The following C22orf42 variants were observed in gnomAD, a reference collection of about 807,000 sequenced individuals.
C22orf42 encodes chromosome 22 open reading frame 42.
In C22orf42, 24 loss-of-function variants were observed where a neutral mutation model predicts 31.4. That is an observed-to-expected ratio of 0.77 (90% CI 0.55 to 1.08). The LOEUF is 1.08. Ranked by LOEUF, C22orf42 falls within the 50% of genes least tolerant of loss-of-function variation. C22orf42 has a pLI of 0.00. For synonymous variants in C22orf42, 96 were observed against 112.7 expected (o/e 0.85, Z 0.94); for missense variants, 276 against 327.3 (o/e 0.84, Z 1.21).
At chr22:32,158,186 A>G (rs1331132889) in intron 1 of C22orf42, among the ~76,000 whole-genome samples, 1 of 152,170 alleles carries the variant, frequency 6.6e-6, no homozygotes, top group African/African-American at 2.4e-5. Flanking sequence ...AGCAACTCCT[A>G]GAGCCCTGGT....
chr22:32,150,884 G>C, intron 6 of C22orf42, 108 bp downstream of exon 6: 1 of 1,152,512 alleles, frequency 8.7e-7, no homozygotes, highest in East Asian at 2.5e-5. Context: ...AACAATGGTT[G>C]CACAACCCTG....
chr22:32,158,931 C>T (rs1921421731), intron 1 of C22orf42, 53 bp downstream of exon 1: 12 of 1,589,676 alleles, frequency 7.5e-6, no homozygotes, highest in South Asian at 4.5e-5. Context: ...GGGGTGGGGG[C>T]GGTGGTGGCC....
In C22orf42 at chr22:32,150,336, G is replaced by C. The variant is rs769741037; in HGVS notation, c.637C>G (p.Leu213Val). 1.9e-6 allele frequency: 3 copies of C among 1,613,626 alleles called. No homozygotes were observed. Among genetic ancestry groups the C allele is most frequent in the Admixed American group, 3.3e-5 (2 of 59,990 alleles). The change falls in exon 7 of 9, where the codon CTC becomes GTC. Residue 213 changes from leucine (L) to valine (V), a missense_variant. Leu to Val is a conservative substitution (Grantham distance 32, BLOSUM62 1). Coordinates refer to ENST00000382097, the MANE Select transcript of C22orf42 (RefSeq NM_001010859.3). ...CATCTTACCATCTCCGGTGTCATGA[G>C]GTCTTCAAGAGAGACAGATAGGCTT... The part of the protein sequence containing the change: ...SESLSVSLED[L>V]MTPEMAKERY...
Position 32,151,558 on chromosome 22 carries a change from G to A in C22orf42, c.401-7C>T, listed in dbSNP as rs377084178. 1.9e-5 allele frequency: 30 copies of A among 1,613,502 alleles called. No individual in the cohort carries two copies. Among genetic ancestry groups the A allele is most frequent in the Admixed American group, 3.3e-5 (2 of 60,000 alleles). On this transcript the variant is annotated splice_region_variant and splice_polypyrimidine_tract_variant and intron_variant, in intron 4 of 8. Transcript: ENST00000382097. Reference sequence around the variant, plus strand: ...TGCACATCTTCAGTGGGACCTAGGAGAACACAGAGTGACAGTCAGTGCATT... The same window carrying A: ...TGCACATCTTCAGTGGGACCTAGGAAAACACAGAGTGACAGTCAGTGCATT...
chr22:32,149,828 C>T, intron 7 of C22orf42, 48 bp from the exon 8 acceptor site: 9 of 1,441,722 alleles, frequency 6.2e-6, no homozygotes, highest in East Asian at 2.5e-5. Flanking sequence ...TCATGCTGGG[C>T]CCTGTTGGCA....
Position 32,149,841 on chromosome 22 carries a change from G to C in C22orf42, c.655-61C>G, listed in dbSNP as rs367944982. The C allele has an allele frequency of 1.5e-4, 201 of 1,357,054 alleles. 1 individual carries two copies. The African/African-American group carries it at 4.1e-3, about 28-fold the overall frequency. The allele number at this position is 1,357,054 out of a possible 1,614,324, so 84.1% of individuals were successfully genotyped here. ...GATCATGCTGGGCCCTGTTGGCACAGGTCTATTATTCACTTGGTGACGTAG... is the reference window on the plus strand; with the variant it reads ...GATCATGCTGGGCCCTGTTGGCACACGTCTATTATTCACTTGGTGACGTAG... On this transcript the variant is annotated intron_variant, in intron 7 of 8. Transcript: ENST00000382097.
chr22:32,149,648 AAAATATAT>A, intron 8 of C22orf42, 35 bp from the exon 9 acceptor site: 1 of 1,338,606 alleles, frequency 7.5e-7, no homozygotes, highest in Non-Finnish European at 9.8e-7. Flanking sequence ...TCTCAAAAAA[AAAATATAT>A]ATATATATAT....
At position 32,158,032 on chromosome 22, in the gene C22orf42, G is replaced by A. The variant is rs12628509; in HGVS notation, c.232+952C>T. On this transcript the variant is annotated intron_variant, in intron 1 of 8. Transcript: ENST00000382097. Reference sequence around the variant, plus strand: ...TAGAAAACCCTGGTTACTAAAGTCAGTTCCATTAGCATCTCTGTTTTTCTG... The same window carrying A: ...TAGAAAACCCTGGTTACTAAAGTCAATTCCATTAGCATCTCTGTTTTTCTG... Among the ~76,000 whole-genome samples, 40 of 152,386 alleles carry A rather than the reference G, an allele frequency of 2.6e-4. 1 individual carries two copies. In the East Asian group the frequency reaches 6.5e-3, roughly 25 times the overall value.
At position 32,152,105 on chromosome 22, in the gene C22orf42, A is replaced by T; in HGVS notation, c.373-11T>A. The T allele has an allele frequency of 1.2e-6, 2 of 1,605,352 alleles. No individual in the cohort carries two copies. The highest frequency in any genetic ancestry group is 1.7e-6 in the Non-Finnish European group (2 of 1,177,874). On this transcript the variant is annotated splice_polypyrimidine_tract_variant and intron_variant, in intron 3 of 8. Transcript: ENST00000382097. ...GGCCTCAGGTATTTCCTGCAATAAG[A>T]GAAAAGAAAAAGAAACACCATGAGG...
intron 4 of C22orf42, 35 bp from the exon 5 acceptor site, chr22:32,151,586 T>G: frequency 6.2e-7 from 1 of 1,606,302 alleles, no homozygotes; most frequent in Non-Finnish European, 8.5e-7. Context: ...AGTGCATTGG[T>G]GCTGCTGAGG....
At position 32,150,367 on chromosome 22, in the gene C22orf42, G is replaced by A. The variant is rs751094400; in HGVS notation, c.606C>T (p.Leu202=). The A allele has an allele frequency of 2.5e-6, 4 of 1,614,002 alleles. No homozygotes were observed. The highest frequency in any genetic ancestry group is 4.5e-5 in the East Asian group (2 of 44,896). Residue 202 remains leucine (L), a synonymous_variant, in exon 7 of 9, where the codon CTC becomes CTT. Coordinates refer to ENST00000382097, the MANE Select transcript of C22orf42 (RefSeq NM_001010859.3). Reference sequence around the variant, plus strand: ...CAAGAGAGACAGATAGGCTTTCACTGAGACCTGATGTCATGAAGTCTTCAA... The same window carrying A: ...CAAGAGAGACAGATAGGCTTTCACTAAGACCTGATGTCATGAAGTCTTCAA... ...VSLEDFMTSG[L]SESLSVSLED...
Position 32,151,563 on chromosome 22 carries a change from C to T in C22orf42, c.401-12G>A, listed in dbSNP as rs1176872585. Reference sequence around the variant, plus strand: ...ATCTTCAGTGGGACCTAGGAGAACACAGAGTGACAGTCAGTGCATTGGTGC... The same window carrying T: ...ATCTTCAGTGGGACCTAGGAGAACATAGAGTGACAGTCAGTGCATTGGTGC... On this transcript the variant is annotated splice_polypyrimidine_tract_variant and intron_variant, in intron 4 of 8. Coordinates refer to ENST00000382097, the MANE Select transcript of C22orf42 (RefSeq NM_001010859.3). 2.5e-6 allele frequency: 4 copies of T among 1,613,328 alleles called. No homozygotes were observed. In the African/African-American group the frequency reaches 4.0e-5, roughly 16 times the overall value.
chr22:32,151,860 C>T (rs1920990261), intron 4 of C22orf42, among the ~76,000 whole-genome samples: 2 of 151,660 alleles, frequency 1.3e-5, no homozygotes, highest in Admixed American at 1.3e-4. Context: ...TGCCTAGATC[C>T]AGGGGTGTGG....
chr22:32,150,060 C>T (rs1033747470), intron 7 of C22orf42: 18 of 545,438 alleles, frequency 3.3e-5, no homozygotes, highest in Admixed American at 9.4e-5. Flanking sequence ...GTAAGTGATG[C>T]GCTCATTTTT....
rs781361748 is a variant in C22orf42 at position 32,159,238 on chromosome 22, A to T, written c.-23T>A. 15 of 1,609,288 alleles carry T rather than the reference A, an allele frequency of 9.3e-6. No individual in the cohort carries two copies. In the African/African-American group the frequency reaches 1.2e-4, roughly 13 times the overall value. The stretch of plus-strand genomic sequence containing the variant: ...CATTGGGCACCTAAACACACAAAAA[A>T]GTCCAAGAGGCACAAGGACAGAATG... On this transcript the variant is annotated 5_prime_UTR_variant, in exon 1 of 9. Coordinates refer to ENST00000382097, the MANE Select transcript of C22orf42 (RefSeq NM_001010859.3).
intron 2 of C22orf42, 87 bp downstream of exon 2, chr22:32,154,157 T>G (rs1430557066): frequency 6.9e-5 from 94 of 1,355,986 alleles, no homozygotes; most frequent in Non-Finnish European, 9.0e-5. Flanking sequence ...GACATAGCAT[T>G]TACTGAGTTT....
Position 32,152,059 on chromosome 22 carries a change from ATACG to A in C22orf42, c.400+4_400+7del. The A allele has an allele frequency of 1.2e-6, 2 of 1,600,082 alleles. No homozygotes were observed. Among genetic ancestry groups the A allele is most frequent in the Non-Finnish European group, 1.7e-6 (2 of 1,175,838 alleles). ...GTAAATAAAGCTGTTTAAAAAAAAA[ATACG>A]TACGGTGGTCGTGCTTGGCCTCAGG... On this transcript the variant is annotated splice_donor_5th_base_variant and intron_variant, in intron 4 of 8. Transcript: ENST00000382097.
rs574003838 is a variant in C22orf42, at chr22:32,151,363, G to T, written c.465+124C>A. Reference sequence around the variant, plus strand: ...TGGTCATAACCTCCAGTGACCGGTCGCTAGAGTCCATGACACTGAGGCCTG... The same window carrying T: ...TGGTCATAACCTCCAGTGACCGGTCTCTAGAGTCCATGACACTGAGGCCTG... On this transcript the variant is annotated intron_variant, in intron 5 of 8. Coordinates refer to ENST00000382097, the MANE Select transcript of C22orf42 (RefSeq NM_001010859.3). 1,453 of 967,052 alleles carry T rather than the reference G, an allele frequency of 1.5e-3. 7 individuals are homozygous for T. Among genetic ancestry groups the T allele is most frequent in the South Asian group, 3.0e-3 (200 of 66,632 alleles). The allele number at this position is 967,052 out of a possible 1,614,324, so 59.9% of individuals were successfully genotyped here.
intron 1 of C22orf42, 84 bp from the exon 2 acceptor site, chr22:32,154,402 AG>A: frequency 6.8e-7 from 1 of 1,473,332 alleles, no homozygotes; most frequent in Non-Finnish European, 9.1e-7. Context: ...GGCAGAGGAT[AG>A]CAGAGAAATT....
Sources: allele counts gnomAD v4.1 joint callset (sites outside exome capture counted in the v4.1 genomes callset), GRCh38; gene constraint gnomAD v4.1.1; transcripts MANE v1.5; gene names NCBI Gene and HGNC (gene_info 2026-07-23, HGNC 2026-07-21).